Variants in MAP4K4 observed in about 807,000 individuals in gnomAD.
MAP4K4 encodes mitogen-activated protein kinase kinase kinase kinase 4.
A neutral mutation model predicts 189.6 loss-of-function variants in MAP4K4; 38 were observed. That is an observed-to-expected ratio of 0.20 (90% CI 0.15 to 0.26). The LOEUF (loss-of-function observed/expected upper bound fraction) is 0.26. Ranked by LOEUF, MAP4K4 falls within the 10% of genes least tolerant of loss-of-function variation. The pLI is 1.00. For missense variants in MAP4K4, 1,054 were observed against 1,726.9 expected, an observed-to-expected ratio of 0.61 and a Z score of 6.91; for synonymous variants, 610 against 624.3, an observed-to-expected ratio of 0.98 and a Z score of 0.34.
chr2:101,780,939 A>G (rs1044016484), intron 2 of MAP4K4, among the ~76,000 whole-genome samples: 1 of 152,218 alleles, frequency 6.6e-6, no homozygotes, highest in Admixed American at 6.5e-5. Context: ...ATAGTAAAAA[A>G]TGGGAAATTT....
intron 2 of MAP4K4, among the ~76,000 whole-genome samples, chr2:101,751,974 T>C (rs2069294910): frequency 2.0e-5 from 3 of 152,186 alleles, no homozygotes; most frequent in Admixed American, 1.3e-4. Flanking sequence ...ATCAATGTTT[T>C]ACATTTTGGT....
At chr2:101,869,795 A>T in exon 22 of MAP4K4, 1 of 1,554,230 alleles carries the variant, frequency 6.4e-7, no homozygotes, top group Non-Finnish European at 8.7e-7. Context: ...ACACCAGAGC[A>T]GCGTCAGTCC....
intron 3 of MAP4K4, among the ~76,000 whole-genome samples, chr2:101,793,362 C>T (rs2093253372): frequency 6.6e-6 from 1 of 152,192 alleles, no homozygotes; most frequent in Non-Finnish European, 1.5e-5. Context: ...AGCAGGCAGC[C>T]TGGAAAACAA....
exon 6 of MAP4K4, chr2:101,829,584 G>A (rs1279735573): frequency 5.0e-6 from 8 of 1,608,600 alleles, no homozygotes; most frequent in African/African-American, 1.3e-5. Context: ...AGAATGCAGA[G>A]GTGAAACTTG....
chr2:101,869,934 T>C, intron 22 of MAP4K4, 137 bp downstream of exon 22: 1 of 1,203,134 alleles, frequency 8.3e-7, no homozygotes, highest in Non-Finnish European at 1.1e-6. Context: ...CAGCAGCAGG[T>C]CGCCTTGTGT....
intron 2 of MAP4K4, among the ~76,000 whole-genome samples, chr2:101,759,823 C>CG (rs2075383020): frequency 7.2e-6 from 1 of 139,168 alleles, no homozygotes; most frequent in Non-Finnish European, 1.5e-5. Context: ...TCCCATCCCC[C>CG]TTCCCTTCCC....
At chr2:101,835,794 A>G (rs1343920247) in intron 8 of MAP4K4, 106 bp from the exon 9 acceptor site, 21 of 712,600 alleles carry the variant, frequency 2.9e-5, no homozygotes, top group Non-Finnish European at 4.5e-5. Context: ...GAAGCCTGTC[A>G]GTCAGACGAT....
intron 3 of MAP4K4, among the ~76,000 whole-genome samples, chr2:101,801,038 TA>T (rs929445705): frequency 7.7e-5 from 9 of 117,090 alleles, no homozygotes; most frequent in African/African-American, 1.7e-4. Context: ...CTGTTTTTTT[TA>T]AAAAAATGGA....
chr2:101,891,216 G>T, exon 33 of MAP4K4: 1 of 1,613,864 alleles, frequency 6.2e-7, no homozygotes, highest in Non-Finnish European at 8.5e-7. Context: ...TTTATTTCAT[G>T]ACCTTAGGCA....
At chr2:101,770,483 G>A (rs1468744245) in intron 2 of MAP4K4, among the ~76,000 whole-genome samples, 1 of 152,120 alleles carries the variant, frequency 6.6e-6, no homozygotes, top group African/African-American at 2.4e-5. Flanking sequence ...TGCCATGTTG[G>A]GCAGGCTGGT....
chr2:101,819,755 C>T (rs1017899294), intron 3 of MAP4K4, among the ~76,000 whole-genome samples: 1 of 152,104 alleles, frequency 6.6e-6, no homozygotes, highest in Non-Finnish European at 1.5e-5. Context: ...AAAGCTATTG[C>T]CAGACTTGAT....
intron 2 of MAP4K4, among the ~76,000 whole-genome samples, chr2:101,738,720 C>T (rs1202042829): frequency 6.6e-6 from 1 of 151,946 alleles, no homozygotes; most frequent in African/African-American, 2.4e-5. Flanking sequence ...CCACTCTTTT[C>T]TTTTCTTGCC....
exon 33 of MAP4K4, chr2:101,893,054 T>C (rs1411579896): frequency 8.8e-6 from 4 of 456,324 alleles, no homozygotes; most frequent in Admixed American, 2.3e-5. Flanking sequence ...TTCCCTCTGC[T>C]CCCACCCACC....
chr2:101,804,544 C>T (rs1406070122), intron 3 of MAP4K4, among the ~76,000 whole-genome samples: 1 of 152,136 alleles, frequency 6.6e-6, no homozygotes, highest in Non-Finnish European at 1.5e-5. Flanking sequence ...CCCAGCATGT[C>T]CAGGGGTCTT....
intron 3 of MAP4K4, among the ~76,000 whole-genome samples, chr2:101,801,981 A>G (rs1046648112): frequency 2.0e-5 from 3 of 152,242 alleles, no homozygotes; most frequent in African/African-American, 4.8e-5. Context: ...CTCATCTGTC[A>G]GGAAATCCTA....
At chr2:101,746,526 A>T (rs1020745794) in intron 2 of MAP4K4, among the ~76,000 whole-genome samples, 2 of 152,126 alleles carry the variant, frequency 1.3e-5, no homozygotes, top group African/African-American at 2.4e-5. Context: ...ACAGACAGGA[A>T]GCTGACTCTC....
At chr2:101,870,642 C>T (rs1309627700) in intron 23 of MAP4K4, 6 of 517,670 alleles carry the variant, frequency 1.2e-5, no homozygotes, top group Admixed American at 3.4e-5. Flanking sequence ...TGCATGTCTG[C>T]GGCAGCCCTC....
intron 3 of MAP4K4, among the ~76,000 whole-genome samples, chr2:101,800,870 C>T (rs1033706659): frequency 7.9e-5 from 12 of 152,108 alleles, no homozygotes; most frequent in Admixed American, 5.9e-4. Flanking sequence ...GTGAAAGGAT[C>T]ATCTTTGTAA....
chr2:101,873,141 A>C (rs1466013321), intron 24 of MAP4K4, among the ~76,000 whole-genome samples: 1 of 152,174 alleles, frequency 6.6e-6, no homozygotes, highest in African/African-American at 2.4e-5. Flanking sequence ...TTTAATGGTG[A>C]TGCACCTAAA....
Sources: allele counts gnomAD v4.1 joint callset (sites outside exome capture counted in the v4.1 genomes callset), GRCh38; gene constraint gnomAD v4.1.1; transcripts MANE v1.5; gene names NCBI Gene and HGNC (gene_info 2026-07-23, HGNC 2026-07-21).